WDPCP: variants seen among roughly 807,000 people sequenced by gnomAD.
The protein encoded by WDPCP is WD repeat containing planar cell polarity effector.
A neutral mutation model predicts 93.1 loss-of-function variants in WDPCP; 71 were observed. That is an observed-to-expected ratio of 0.76 (90% CI 0.63 to 0.93). WDPCP has a LOEUF of 0.93. Among genes scored for constraint, WDPCP ranks in the 40% least tolerant of loss-of-function variants. The probability of loss-of-function intolerance (pLI) is 0.00; values close to 1 mark genes in which losing one functional copy is unlikely to be tolerated. For synonymous variants in WDPCP, 315 were observed against 315.0 expected, an observed-to-expected ratio of 1.00 and a Z score of 0.00; for missense variants, 844 against 887.4, an observed-to-expected ratio of 0.95 and a Z score of 0.62.
At chr2:63,343,587 A>G (rs766079279) in intron 12 of WDPCP, among the ~76,000 whole-genome samples, 10 of 152,172 alleles carry the variant, frequency 6.6e-5, no homozygotes, top group Non-Finnish European at 1.2e-4. Context: ...CATGTCTTCA[A>G]TCAAATTTGG....
At chr2:63,237,844 G>A (rs1328130429) in intron 14 of WDPCP, among the ~76,000 whole-genome samples, 2 of 152,178 alleles carry the variant, frequency 1.3e-5, no homozygotes, top group African/African-American at 4.8e-5. Flanking sequence ...GAGGGAAAGA[G>A]AGGGGCAAGG....
intron 17 of WDPCP, among the ~76,000 whole-genome samples, chr2:63,137,970 G>C (rs1049118117): frequency 3.3e-5 from 5 of 151,394 alleles, no homozygotes; most frequent in Non-Finnish European, 7.4e-5. Context: ...CTGTAGTATA[G>C]TTTGAAGTTG....
chr2:63,303,266 C>T (rs1305776021), intron 13 of WDPCP, among the ~76,000 whole-genome samples: 1 of 152,138 alleles, frequency 6.6e-6, no homozygotes, highest in African/African-American at 2.4e-5. Context: ...CTTGACTAAG[C>T]CATCTAGGGG....
intron 12 of WDPCP, among the ~76,000 whole-genome samples, chr2:63,374,051 GA>G (rs143268784): frequency 8.0e-6 from 1 of 124,608 alleles, no homozygotes; most frequent in East Asian, 2.9e-4. Context: ...ACAAGTTTAT[GA>G]TTTTTTTTTT....
At chr2:63,779,982 T>C (rs1304074978) in intron 2 of WDPCP, among the ~76,000 whole-genome samples, 2 of 152,192 alleles carry the variant, frequency 1.3e-5, no homozygotes, top group Admixed American at 1.3e-4. Context: ...TTCTTAATAA[T>C]TTATCAAATA....
At chr2:63,316,792 C>T (rs894425376) in intron 12 of WDPCP, among the ~76,000 whole-genome samples, 4 of 152,108 alleles carry the variant, frequency 2.6e-5, no homozygotes, top group Admixed American at 2.0e-4. Context: ...TCTATACCTA[C>T]AAAATCCCAT....
chr2:63,805,937 T>C (rs1432750521), intron 2 of WDPCP, among the ~76,000 whole-genome samples: 1 of 152,026 alleles, frequency 6.6e-6, no homozygotes, highest in Non-Finnish European at 1.5e-5. Context: ...CGGGGCAACA[T>C]GGCAAAACCC....
intron 1 of WDPCP, among the ~76,000 whole-genome samples, chr2:63,556,094 A>T (rs1706093813): frequency 6.6e-6 from 1 of 152,166 alleles, no homozygotes; most frequent in African/African-American, 2.4e-5. Flanking sequence ...GAAGCTAAGA[A>T]CCATGAGAAA....
At chr2:63,748,472 A>G (rs1669832001) in intron 2 of WDPCP, among the ~76,000 whole-genome samples, 2 of 152,040 alleles carry the variant, frequency 1.3e-5, no homozygotes, top group Admixed American at 6.6e-5. Context: ...CCTTTTCTGC[A>G]TTTATTGAGA....
At chr2:63,671,739 G>A (rs1414753101) in intron 2 of WDPCP, among the ~76,000 whole-genome samples, 2 of 151,982 alleles carry the variant, frequency 1.3e-5, no homozygotes, top group South Asian at 4.2e-4. Context: ...ATCCCAAATT[G>A]GTACCTGCTT....
intron 2 of WDPCP, among the ~76,000 whole-genome samples, chr2:63,657,241 G>T (rs1425230507): frequency 4.7e-5 from 6 of 127,756 alleles, no homozygotes; most frequent in African/African-American, 1.9e-4. Flanking sequence ...GTCTCGCTCT[G>T]TCACCCAGGC....
intron 1 of WDPCP, among the ~76,000 whole-genome samples, chr2:63,494,193 C>G (rs556887896): frequency 6.6e-6 from 1 of 152,052 alleles, no homozygotes; most frequent in African/African-American, 2.4e-5. Flanking sequence ...CCTGCCTGAA[C>G]AGCTGGGCTG....
At position 63,777,667 on chromosome 2, in the gene WDPCP, G is replaced by A. The variant is rs546229818; in HGVS notation, n.308+35955C>T. On this transcript the variant is annotated intron_variant and non_coding_transcript_variant, in intron 2 of 4. Coordinates refer to the WDPCP transcript ENST00000467687. ...TGCTGAAAGAAGCCAGACAAAAAAAGAATATATGGTGTATGAGTCCATTTA... is the reference window on the plus strand; with the variant it reads ...TGCTGAAAGAAGCCAGACAAAAAAAAAATATATGGTGTATGAGTCCATTTA... 2.6e-5 allele frequency among the ~76,000 whole-genome samples: 4 copies of A among 152,274 alleles called. No individual in the cohort carries two copies. The South Asian group carries it at 6.2e-4, about 24-fold the overall frequency.
intron 14 of WDPCP, among the ~76,000 whole-genome samples, chr2:63,220,404 C>G (rs752600048): frequency 2.0e-5 from 3 of 152,088 alleles, no homozygotes; most frequent in Non-Finnish European, 4.4e-5. Flanking sequence ...ACATCTGTGA[C>G]CCTGAATGGC....
At chr2:63,650,079 C>T (rs1710092677) in intron 3 of WDPCP, among the ~76,000 whole-genome samples, 1 of 152,212 alleles carries the variant, frequency 6.6e-6, no homozygotes, top group Non-Finnish European at 1.5e-5. Context: ...GTGCCTTCTT[C>T]TCTGGGTCTG....
At chr2:63,235,746 CA>C in intron 14 of WDPCP, among the ~76,000 whole-genome samples, 1 of 152,038 alleles carries the variant, frequency 6.6e-6, no homozygotes, top group East Asian at 1.9e-4. Context: ...AAAAAAAAAC[CA>C]TATGATCATT....
intron 2 of WDPCP, among the ~76,000 whole-genome samples, chr2:63,741,591 AT>A (rs966884208): frequency 4.3e-4 from 64 of 149,464 alleles, no homozygotes; most frequent in African/African-American, 1.3e-3. Context: ...CAATATTTGC[AT>A]TTTTTTTTCA....
intron 10 of WDPCP, among the ~76,000 whole-genome samples, chr2:63,402,982 T>C (rs2901581): frequency 0.42 from 63,337 of 151,968 alleles, 13,452 homozygotes; most frequent in Non-Finnish European, 0.43. Context: ...TGCACACAAA[T>C]GTTTGTTGCA....
rs185176891 is a variant in WDPCP at position 63,418,147 on chromosome 2, T to C, written c.826-13490A>G. Among the ~76,000 whole-genome samples, 282 of 152,292 alleles carry C rather than the reference T, an allele frequency of 1.9e-3. 2 individuals are homozygous for C. The highest frequency in any genetic ancestry group is 6.0e-3 in the African/African-American group (249 of 41,562). On this transcript the variant is annotated intron_variant, in intron 9 of 17. Coordinates refer to ENST00000272321, the MANE Select transcript of WDPCP (RefSeq NM_015910.7). ...AACATCAAATAGAATTATGTAGTTA[T>C]TGAAAATACCTAGAAAAAACCAGAC...
Sources: gnomAD v4.1 joint callset for allele counts (sites outside exome capture counted in the v4.1 genomes callset) on GRCh38, gnomAD v4.1.1 for gene constraint, MANE v1.5 for transcripts, NCBI Gene and HGNC (gene_info 2026-07-23, HGNC 2026-07-21) for gene names.